The following LRRC38 variants were observed in gnomAD, a reference collection of about 807,000 sequenced individuals.
LRRC38 encodes the protein leucine rich repeat containing 38, also known as leucine-rich repeat-containing protein 38.
In LRRC38, 5 loss-of-function variants were observed where a neutral mutation model predicts 16.4. That is an observed-to-expected ratio of 0.31 (90% CI 0.16 to 0.64). The LOEUF (loss-of-function observed/expected upper bound fraction) is 0.64. Among genes scored for constraint, LRRC38 ranks in the 30% least tolerant of loss-of-function variants. The pLI, the probability that LRRC38 is intolerant of heterozygous loss-of-function variation, is 0.80. For missense variants in LRRC38, 341 were observed against 401.8 expected, an observed-to-expected ratio of 0.85 and a Z score of 1.29; for synonymous variants, 191 against 190.2, an observed-to-expected ratio of 1.00 and a Z score of -0.04.
intron 1 of LRRC38, among the ~76,000 whole-genome samples, chr1:13,484,679 A>C (rs561041446): frequency 1.7e-4 from 26 of 152,306 alleles, no homozygotes; most frequent in African/African-American, 6.3e-4. Context: ...CTCTCTTGGG[A>C]GGTGGAAACT....
intron 1 of LRRC38, among the ~76,000 whole-genome samples, chr1:13,492,219 C>T (rs1365207739): frequency 2.0e-5 from 3 of 152,112 alleles, no homozygotes; most frequent in Admixed American, 6.6e-5. Flanking sequence ...CAATATTTGT[C>T]CTTTGTGATT....
At position 13,508,740 on chromosome 1, in the gene LRRC38, G is replaced by A. The variant is rs549091802; in HGVS notation, c.631+4223C>T. 3.9e-5 allele frequency among the ~76,000 whole-genome samples: 6 copies of A among 152,340 alleles called. No individual in the cohort carries two copies. In the East Asian group the frequency reaches 9.7e-4, roughly 25 times the overall value. ...GAAAAAGAAATAGAGTCACCTGGGA[G>A]AAAGGACCAGTGTGACCTTCAGGCA... On this transcript the variant is annotated intron_variant, in intron 1 of 1. Coordinates refer to ENST00000376085, the MANE Select transcript of LRRC38 (RefSeq NM_001010847.2).
chr1:13,495,197 A>C (rs1422859122), intron 1 of LRRC38, among the ~76,000 whole-genome samples: 2 of 152,182 alleles, frequency 1.3e-5, no homozygotes, highest in Non-Finnish European at 1.5e-5. Flanking sequence ...GGTGACATAC[A>C]CGGTGGGACA....
chr1:13,478,957 C>T (rs1287506704), intron 1 of LRRC38, among the ~76,000 whole-genome samples: 2 of 152,148 alleles, frequency 1.3e-5, no homozygotes, highest in African/African-American at 4.8e-5. Flanking sequence ...TCAGTGTCTG[C>T]TTTATATACC....
chr1:13,513,108 G>A lies in LRRC38; in HGVS notation c.486C>T (p.Asn162=). The change falls in exon 1 of 2, where the codon AAC becomes AAT. Residue 162 remains asparagine (N), a synonymous_variant. Transcript: ENST00000376085. ...ESLQVLELND[N]NLRSLSVAAL... ...CGGCCACGCTGAGGCTGCGCAGGTT[G>A]TTGTCGTTGAGCTCCAGCACCTGCA... The A allele has an allele frequency of 6.4e-7, 1 of 1,550,436 alleles. No individual in the cohort carries two copies. The highest frequency in any genetic ancestry group is 8.7e-7 in the Non-Finnish European group (1 of 1,146,900).
At chr1:13,499,537 G>C (rs1249470967) in intron 1 of LRRC38, among the ~76,000 whole-genome samples, 2 of 152,176 alleles carry the variant, frequency 1.3e-5, no homozygotes, top group Non-Finnish European at 2.9e-5. Flanking sequence ...ATTCCTTGCA[G>C]GAATTTGCTT....
intron 1 of LRRC38, among the ~76,000 whole-genome samples, chr1:13,490,481 G>GA (rs1460410396): frequency 6.6e-6 from 1 of 151,998 alleles, no homozygotes; most frequent in African/African-American, 2.4e-5. Context: ...ATACTCTTGG[G>GA]AAAAAAGCAT....
intron 1 of LRRC38, among the ~76,000 whole-genome samples, chr1:13,480,045 C>A (rs1005780282): frequency 1.3e-5 from 2 of 152,210 alleles, no homozygotes; most frequent in Admixed American, 6.5e-5. Flanking sequence ...CCCAGTGTGA[C>A]AATCAAAACT....
intron 1 of LRRC38, among the ~76,000 whole-genome samples, chr1:13,504,917 C>A (rs1017866891): frequency 6.6e-6 from 1 of 151,956 alleles, no homozygotes; most frequent in Non-Finnish European, 1.5e-5. Flanking sequence ...GTATGAGAAG[C>A]GGAGACAAGC....
intron 1 of LRRC38, among the ~76,000 whole-genome samples, chr1:13,510,859 T>C (rs1238732679): frequency 1.3e-5 from 2 of 152,288 alleles, no homozygotes; most frequent in East Asian, 1.9e-4. Flanking sequence ...AGTCCAAACC[T>C]GAATGCGGGT....
intron 1 of LRRC38, among the ~76,000 whole-genome samples, chr1:13,498,324 G>C (rs1208385233): frequency 6.6e-6 from 1 of 152,068 alleles, no homozygotes; most frequent in African/African-American, 2.4e-5. Context: ...AATGTATTTG[G>C]ATATTATAAA....
At chr1:13,485,104 C>A (rs572096872) in intron 1 of LRRC38, among the ~76,000 whole-genome samples, 275 of 150,884 alleles carry the variant, frequency 1.8e-3, no homozygotes, top group African/African-American at 6.2e-3. Flanking sequence ...ATGGAGAAAC[C>A]CCGTCTCTAC....
At chr1:13,477,346 T>C (rs3013107) in intron 1 of LRRC38, among the ~76,000 whole-genome samples, 36,510 of 152,152 alleles carry the variant, frequency 0.24, 4,457 homozygotes, top group Middle Eastern at 0.37. Flanking sequence ...TGCCTTCATT[T>C]AGCTTACATT....
intron 1 of LRRC38, among the ~76,000 whole-genome samples, chr1:13,485,957 G>C (rs1414410249): frequency 1.3e-5 from 2 of 152,064 alleles, no homozygotes; most frequent in Admixed American, 6.5e-5. Context: ...TTTTGAGACG[G>C]AGTCTCGCTC....
intron 1 of LRRC38, among the ~76,000 whole-genome samples, chr1:13,495,490 G>C (rs1272598308): frequency 1.3e-5 from 2 of 151,994 alleles, no homozygotes; most frequent in Non-Finnish European, 2.9e-5. Flanking sequence ...GGGAGGGGGA[G>C]GGAGGGAAGA....
At chr1:13,501,500 C>G (rs1639148682) in intron 1 of LRRC38, among the ~76,000 whole-genome samples, 1 of 149,766 alleles carries the variant, frequency 6.7e-6, no homozygotes, top group Admixed American at 6.6e-5. Flanking sequence ...CTTCCAACTC[C>G]TGGGTTCAAG....
At chr1:13,486,098 C>A (rs1638930400) in intron 1 of LRRC38, among the ~76,000 whole-genome samples, 1 of 152,020 alleles carries the variant, frequency 6.6e-6, no homozygotes, top group African/African-American at 2.4e-5. Flanking sequence ...ACCACCACGC[C>A]CGGCTAATTT....
chr1:13,501,681 A>G (rs539486519), intron 1 of LRRC38, among the ~76,000 whole-genome samples: 2 of 141,778 alleles, frequency 1.4e-5, no homozygotes, highest in African/African-American at 2.6e-5. Flanking sequence ...GCAACTTCCA[A>G]CTCCCAGGTT....
intron 1 of LRRC38, among the ~76,000 whole-genome samples, chr1:13,485,028 A>T (rs1638913773): frequency 6.6e-6 from 1 of 152,172 alleles, no homozygotes; most frequent in South Asian, 2.1e-4. Context: ...CTGTAATCCC[A>T]GCACTTTGGG....
Sources: allele counts gnomAD v4.1 joint callset (sites outside exome capture counted in the v4.1 genomes callset), GRCh38; gene constraint gnomAD v4.1.1; transcripts MANE v1.5; gene names NCBI Gene and HGNC (gene_info 2026-07-23, HGNC 2026-07-21).